TMED3: variants seen among roughly 807,000 people sequenced by gnomAD.
TMED3 encodes the protein transmembrane emp24 domain-containing protein 3.
TMED3 carries 9 observed loss-of-function variants against 15.0 expected under a neutral mutation model. The observed-to-expected ratio is 0.60, with a 90% CI of 0.36 to 1.04. The LOEUF (loss-of-function observed/expected upper bound fraction) is 1.04. Among genes scored for constraint, TMED3 ranks in the 50% least tolerant of loss-of-function variants. The probability of loss-of-function intolerance (pLI) is 0.01; values close to 1 mark genes in which losing one functional copy is unlikely to be tolerated. For missense variants in TMED3, 267 were observed against 278.9 expected, an observed-to-expected ratio of 0.96 and a Z score of 0.30; for synonymous variants, 117 against 121.4, an observed-to-expected ratio of 0.96 and a Z score of 0.24.
intron 2 of TMED3, 69 bp from the exon 3 acceptor site, chr15:79,321,908 AT>A: frequency 6.4e-7 from 1 of 1,555,890 alleles, no homozygotes; most frequent in Non-Finnish European, 8.8e-7. Flanking sequence ...TGACAACAGC[AT>A]TTGCTGTTTG....
At chr15:79,380,356 A>G (rs1307209965) in intron 2 of TMED3, among the ~76,000 whole-genome samples, 2 of 150,274 alleles carry the variant, frequency 1.3e-5, no homozygotes, top group East Asian at 1.9e-4. Flanking sequence ...TCTCAACTAT[A>G]TATATATAGA....
intron 2 of TMED3, among the ~76,000 whole-genome samples, chr15:79,332,173 A>G (rs192848205): frequency 7.5e-4 from 115 of 152,380 alleles, no homozygotes; most frequent in African/African-American, 2.6e-3. Flanking sequence ...AAGGCAAACT[A>G]TCGTACTGAA....
intron 2 of TMED3, among the ~76,000 whole-genome samples, chr15:79,347,062 C>T (rs2058873942): frequency 6.6e-6 from 1 of 152,084 alleles, no homozygotes; most frequent in African/African-American, 2.4e-5. Context: ...CAAAACACGG[C>T]AGAGACACAA....
In TMED3 at chr15:79,375,469, C is replaced by G. The variant is rs1893407776; in HGVS notation, c.418-35931C>G. Reference sequence around the variant, plus strand: ...TTCTCACATTGCTATAAAGAAATACCTGAGTCTGAGTAATGTATAAGAAAA... The same window carrying G: ...TTCTCACATTGCTATAAAGAAATACGTGAGTCTGAGTAATGTATAAGAAAA... On this transcript the variant is annotated intron_variant, in intron 2 of 2. Transcript: ENST00000424155. 4.6e-5 allele frequency among the ~76,000 whole-genome samples: 7 copies of G among 152,028 alleles called. No individual in the cohort carries two copies. In the South Asian group the frequency reaches 1.5e-3, roughly 32 times the overall value.
At chr15:79,403,294 T>TTGCTGCTA (rs1229251577) in intron 2 of TMED3, among the ~76,000 whole-genome samples, 1 of 149,052 alleles carries the variant, frequency 6.7e-6, no homozygotes, top group Non-Finnish European at 1.5e-5. Flanking sequence ...GCTACAGTCC[T>TTGCTGCTA]TGCTGCTATA....
downstream of TMED3, among the ~76,000 whole-genome samples, chr15:79,325,244 C>T (rs1443719218): frequency 6.6e-6 from 1 of 152,180 alleles, no homozygotes; most frequent in East Asian, 1.9e-4. Context: ...GAGATTCCCC[C>T]ATAAAATAAT....
rs76676127 is a variant in TMED3 at position 79,354,314 on chromosome 15, A to G, written c.417+40309A>G. Among the ~76,000 whole-genome samples, 182 of 152,276 alleles carry G rather than the reference A, an allele frequency of 1.2e-3. 1 individual carries two copies. The highest frequency in any genetic ancestry group is 4.2e-3 in the African/African-American group (173 of 41,572). On this transcript the variant is annotated intron_variant, in intron 2 of 2. Transcript: ENST00000424155. ...CAGAAATGTCCAGGAGCCATAATCT[A>G]GAACATCCAAGTCCTTGACCAACAG...
At chr15:79,328,007 A>C (rs2058793516) in intron 2 of TMED3, among the ~76,000 whole-genome samples, 1 of 152,210 alleles carries the variant, frequency 6.6e-6, no homozygotes, top group Non-Finnish European at 1.5e-5. Flanking sequence ...ATAGTTATCA[A>C]CTCCTAAATG....
chr15:79,361,036 T>C (rs1364408234), intron 2 of TMED3, among the ~76,000 whole-genome samples: 3 of 152,120 alleles, frequency 2.0e-5, no homozygotes, highest in African/African-American at 7.2e-5. Flanking sequence ...TTTTTATTTT[T>C]ATTTTTTGTA....
At chr15:79,338,113 G>A (rs2058833762) in intron 2 of TMED3, among the ~76,000 whole-genome samples, 1 of 152,122 alleles carries the variant, frequency 6.6e-6, no homozygotes, top group Admixed American at 6.5e-5. Flanking sequence ...TAGCTCATGG[G>A]AAAAATAAAT....
intron 2 of TMED3, among the ~76,000 whole-genome samples, chr15:79,349,857 G>A: frequency 6.6e-6 from 1 of 152,056 alleles, no homozygotes; most frequent in East Asian, 1.9e-4. Flanking sequence ...TCCTATTGGA[G>A]GACATTAATC....
At chr15:79,375,428 A>G (rs1893407269) in intron 2 of TMED3, among the ~76,000 whole-genome samples, 1 of 152,154 alleles carries the variant, frequency 6.6e-6, no homozygotes, top group Non-Finnish European at 1.5e-5. Flanking sequence ...GAGAGGTTAG[A>G]GTTTACATTA....
intron 2 of TMED3, among the ~76,000 whole-genome samples, chr15:79,409,220 T>C (rs1333462504): frequency 6.6e-6 from 1 of 152,252 alleles, no homozygotes; most frequent in Non-Finnish European, 1.5e-5. Flanking sequence ...CTTTTCTTGA[T>C]GAGCAAAGGT....
chr15:79,364,277 C>T (rs1251344435), intron 2 of TMED3, among the ~76,000 whole-genome samples: 1 of 152,144 alleles, frequency 6.6e-6, no homozygotes, highest in African/African-American at 2.4e-5. Flanking sequence ...CTCTTAGTCC[C>T]CTGCGGGCAT....
At chr15:79,396,403 G>A (rs777705254) in intron 2 of TMED3, among the ~76,000 whole-genome samples, 9 of 152,176 alleles carry the variant, frequency 5.9e-5, no homozygotes, top group African/African-American at 9.6e-5. Flanking sequence ...ATGGCTGGGG[G>A]CTAGAATCTT....
At chr15:79,388,082 A>G (rs948932485) in intron 2 of TMED3, among the ~76,000 whole-genome samples, 1 of 152,208 alleles carries the variant, frequency 6.6e-6, no homozygotes, top group African/African-American at 2.4e-5. Context: ...TTTATTTCTT[A>G]TCTTACCATT....
intron 2 of TMED3, among the ~76,000 whole-genome samples, chr15:79,381,670 G>A (rs1177845485): frequency 6.6e-6 from 1 of 152,220 alleles, no homozygotes; most frequent in African/African-American, 2.4e-5. Context: ...TCATATTGGA[G>A]CCACTCTCAC....
At chr15:79,328,811 G>T (rs2058796871) in intron 2 of TMED3, among the ~76,000 whole-genome samples, 1 of 152,160 alleles carries the variant, frequency 6.6e-6, no homozygotes, top group African/African-American at 2.4e-5. Flanking sequence ...ACTGTAGCCT[G>T]GGGGCAGAGG....
intron 2 of TMED3, 70 bp from the exon 3 acceptor site, chr15:79,321,908 A>G (rs2058768557): frequency 1.3e-6 from 2 of 1,555,890 alleles, no homozygotes; most frequent in South Asian, 1.2e-5. Flanking sequence ...TGACAACAGC[A>G]TTTGCTGTTT....
Sources: allele counts gnomAD v4.1 joint callset (sites outside exome capture counted in the v4.1 genomes callset), GRCh38; gene constraint gnomAD v4.1.1; transcripts MANE v1.5; gene names NCBI Gene and HGNC (gene_info 2026-07-23, HGNC 2026-07-21).